Variants in BARX2 observed in about 807,000 individuals in gnomAD.
BARX2 encodes BARX homeobox 2.
BARX2 carries 11 observed loss-of-function variants against 25.5 expected under a neutral mutation model. That is an observed-to-expected ratio of 0.43 (90% CI 0.27 to 0.71). The LOEUF (loss-of-function observed/expected upper bound fraction) is 0.71. Among genes scored for constraint, BARX2 ranks in the 30% least tolerant of loss-of-function variants. The pLI, the probability that BARX2 is intolerant of heterozygous loss-of-function variation, is 0.19. For synonymous variants in BARX2, 137 were observed against 149.5 expected, an observed-to-expected ratio of 0.92 and a Z score of 0.61; for missense variants, 360 against 359.9, an observed-to-expected ratio of 1.00 and a Z score of 0.00.
intron 1 of BARX2, among the ~76,000 whole-genome samples, chr11:129,398,791 T>A (rs996198732): frequency 1.3e-5 from 2 of 152,208 alleles, no homozygotes; most frequent in African/African-American, 4.8e-5. Context: ...AGTTCAGCAT[T>A]GTTAGTAAAA....
At chr11:129,394,461 T>G (rs964321783) in intron 1 of BARX2, among the ~76,000 whole-genome samples, 4 of 152,232 alleles carry the variant, frequency 2.6e-5, no homozygotes, top group African/African-American at 9.6e-5. Flanking sequence ...CAGATGTAGT[T>G]TTTATTTTAG....
intron 2 of BARX2, among the ~76,000 whole-genome samples, chr11:129,439,868 C>T (rs1862235771): frequency 6.6e-6 from 1 of 152,108 alleles, no homozygotes; most frequent in Non-Finnish European, 1.5e-5. Context: ...CGGGCTTCAG[C>T]GTGCATGACT....
intron 1 of BARX2, among the ~76,000 whole-genome samples, chr11:129,431,612 G>A (rs566527571): frequency 1.4e-4 from 22 of 152,122 alleles, no homozygotes; most frequent in Non-Finnish European, 2.9e-4. Context: ...TCAAAACTTT[G>A]GCACGTTGTT....
intron 1 of BARX2, among the ~76,000 whole-genome samples, chr11:129,385,127 G>A (rs866059530): frequency 2.1e-4 from 32 of 152,210 alleles, no homozygotes; most frequent in African/African-American, 6.3e-4. Context: ...TCACTGGGTA[G>A]CCCAAAATGA....
intron 1 of BARX2, among the ~76,000 whole-genome samples, chr11:129,408,182 GA>G (rs1370462699): frequency 3.9e-5 from 6 of 152,098 alleles, no homozygotes; most frequent in Non-Finnish European, 8.8e-5. Context: ...TACATTTGGT[GA>G]TTAGAGAAGA....
chr11:129,429,120 T>G (rs1862101160), intron 1 of BARX2, among the ~76,000 whole-genome samples: 1 of 152,038 alleles, frequency 6.6e-6, no homozygotes, highest in Non-Finnish European at 1.5e-5. Flanking sequence ...TTCAGCCTAC[T>G]AAAGGATAGG....
chr11:129,386,788 G>A (rs1861620308), intron 1 of BARX2, among the ~76,000 whole-genome samples: 1 of 152,228 alleles, frequency 6.6e-6, no homozygotes, highest in African/African-American at 2.4e-5. Flanking sequence ...ATCTTTCTGT[G>A]TCCTTCCAAA....
chr11:129,426,209 C>G (rs1862060617), intron 1 of BARX2, among the ~76,000 whole-genome samples: 1 of 152,060 alleles, frequency 6.6e-6, no homozygotes, highest in South Asian at 2.1e-4. Context: ...TGTATTTCCT[C>G]CCTCCCTCTG....
chr11:129,433,438 A>T (rs1862150913), intron 1 of BARX2, among the ~76,000 whole-genome samples: 1 of 152,096 alleles, frequency 6.6e-6, no homozygotes, highest in Non-Finnish European at 1.5e-5. Flanking sequence ...CTCAGCTCAC[A>T]TCTTGCCAAT....
intron 1 of BARX2, among the ~76,000 whole-genome samples, chr11:129,389,216 T>A (rs1591428202): frequency 6.6e-6 from 1 of 152,234 alleles, no homozygotes; most frequent in Admixed American, 6.5e-5. Flanking sequence ...TAGCTTCTAT[T>A]AAAAATAATT....
chr11:129,451,448 AGAGAGAAGGCAGG>A lies in BARX2; in HGVS notation c.*52_*64del, dbSNP rs765871212. 22 of 1,586,650 alleles carry A rather than the reference AGAGAGAAGGCAGG, an allele frequency of 1.4e-5. No homozygotes were observed. The highest frequency in any genetic ancestry group is 4.1e-5 in the African/African-American group (3 of 73,992). ...AGAGGGAGACTGGGGAGAAGGGAAAAGAGAGAAGGCAGGGAGAGTAGGGAGAGAAAACCTTCCA... is the reference window on the plus strand; with the variant it reads ...AGAGGGAGACTGGGGAGAAGGGAAAAGAGAGTAGGGAGAGAAAACCTTCCA... On this transcript the variant is annotated 3_prime_UTR_variant, in exon 4 of 4. Coordinates refer to ENST00000281437, the MANE Select transcript of BARX2 (RefSeq NM_003658.5).
chr11:129,404,215 G>A (rs888406735), intron 1 of BARX2, among the ~76,000 whole-genome samples: 4 of 152,150 alleles, frequency 2.6e-5, no homozygotes, highest in African/African-American at 7.2e-5. Context: ...ACGTTGCCAC[G>A]TCCTGAAGAA....
intron 1 of BARX2, among the ~76,000 whole-genome samples, chr11:129,431,743 A>G (rs557654072): frequency 9.2e-5 from 14 of 152,232 alleles, no homozygotes; most frequent in Non-Finnish European, 2.1e-4. Context: ...TTTTCTTAAC[A>G]GTATCTTTTA....
chr11:129,435,162 C>T (rs1345711580), intron 1 of BARX2, among the ~76,000 whole-genome samples: 1 of 152,132 alleles, frequency 6.6e-6, no homozygotes, highest in Non-Finnish European at 1.5e-5. Context: ...AAACCACAAG[C>T]CCACATATCC....
At chr11:129,425,104 G>T (rs2135405670) in intron 1 of BARX2, among the ~76,000 whole-genome samples, 1 of 152,308 alleles carries the variant, frequency 6.6e-6, no homozygotes, top group East Asian at 1.9e-4. Flanking sequence ...TATGACCAAG[G>T]TCATAGAGCT....
intron 1 of BARX2, among the ~76,000 whole-genome samples, chr11:129,411,433 C>T (rs570684295): frequency 7.7e-4 from 114 of 147,624 alleles, no homozygotes; most frequent in South Asian, 2.6e-3. Context: ...GAAAATAATA[C>T]GGACATGAAG....
rs148383338 is a variant in BARX2, at chr11:129,448,882, G to A, written c.574-2254G>A. On this transcript the variant is annotated intron_variant, in intron 3 of 3. Coordinates refer to ENST00000281437, the MANE Select transcript of BARX2 (RefSeq NM_003658.5). ...AATATTATTTACTGATAAATGCTACGGCATGGATAGACATTGAGAACATTA... is the reference window on the plus strand; with the variant it reads ...AATATTATTTACTGATAAATGCTACAGCATGGATAGACATTGAGAACATTA... 2.7e-3 allele frequency among the ~76,000 whole-genome samples: 410 copies of A among 152,234 alleles called. 1 individual carries two copies. The highest frequency in any genetic ancestry group is 8.6e-3 in the African/African-American group (358 of 41,540).
rs766217062 is a variant in BARX2, at chr11:129,376,371, A to G, written c.187+149A>G. The G allele has an allele frequency of 4.9e-6, 4 of 815,782 alleles. No individual in the cohort carries two copies. The highest frequency in any genetic ancestry group is 5.8e-5 in the East Asian group (2 of 34,298). 50.5% of individuals were successfully genotyped at this position (815,782 alleles called of 1,614,324 possible). On this transcript the variant is annotated intron_variant, in intron 1 of 3. Coordinates refer to ENST00000281437, the MANE Select transcript of BARX2 (RefSeq NM_003658.5). This position sits in a 1 kb window ranked among gnomAD's most constrained non-coding sequence, Gnocchi z 4.2. ...AGCAAGCGGTGGGCATTGCAAAGGC[A>G]TCTGCGACGTGGCCGGGAAGGACCA...
chr11:129,415,234 T>C (rs1027668652), intron 1 of BARX2, among the ~76,000 whole-genome samples: 1 of 152,052 alleles, frequency 6.6e-6, no homozygotes, highest in African/African-American at 2.4e-5. Context: ...TCATGATGAG[T>C]TTCAGGTGCG....
Sources: gnomAD v4.1 joint callset for allele counts (sites outside exome capture counted in the v4.1 genomes callset) on GRCh38, gnomAD v4.1.1 for gene constraint, Gnocchi (gnomAD v3.1) non-coding constraint, MANE v1.5 for transcripts, NCBI Gene and HGNC (gene_info 2026-07-23, HGNC 2026-07-21) for gene names.